The following ZNF839 variants were observed in gnomAD, a reference collection of about 807,000 sequenced individuals.
The protein encoded by ZNF839 is zinc finger protein 839.
ZNF839 carries 38 observed loss-of-function variants against 56.4 expected under a neutral mutation model. That is an observed-to-expected ratio of 0.67 (90% CI 0.52 to 0.88). ZNF839 has a LOEUF of 0.88. Among genes scored for constraint, ZNF839 ranks in the 40% least tolerant of loss-of-function variants. The pLI is 0.00. For synonymous variants in ZNF839, 486 were observed against 493.5 expected, an observed-to-expected ratio of 0.98 and a Z score of 0.20; for missense variants, 1,091 against 1,177.6, an observed-to-expected ratio of 0.93 and a Z score of 1.08.
intron 7 of ZNF839, among the ~76,000 whole-genome samples, chr14:102,340,470 C>T (rs139748421): frequency 1.5e-3 from 227 of 152,090 alleles, no homozygotes; most frequent in Non-Finnish European, 2.8e-3. Context: ...TAGGGTTTCC[C>T]CATGTTGGCC....
At chr14:102,339,378 G>T (rs993347869) in intron 7 of ZNF839, 155 bp downstream of exon 7, 2 of 1,114,334 alleles carry the variant, frequency 1.8e-6, no homozygotes, top group African/African-American at 3.2e-5. Context: ...CAGCCTCCCA[G>T]TGTTCTGTCA....
In ZNF839 at chr14:102,333,303, C is replaced by T. The variant is rs78903380; in HGVS notation, c.1417-1251C>T. Among the ~76,000 whole-genome samples, 538 of 149,298 alleles carry T rather than the reference C, an allele frequency of 3.6e-3. 3 individuals are homozygous for T. Among genetic ancestry groups the T allele is most frequent in the African/African-American group, 0.012 (500 of 40,424 alleles). ...TTTGAGAGAGGGTCTCATTCTGTCA[C>T]CCAGGAGCGTAGTGGCTCAATCATG... On this transcript the variant is annotated intron_variant, in intron 3 of 7. Coordinates refer to ENST00000442396, the MANE Select transcript of ZNF839 (RefSeq NM_018335.6).
At chr14:102,334,037 G>A (rs1443929485) in intron 3 of ZNF839, among the ~76,000 whole-genome samples, 3 of 152,184 alleles carry the variant, frequency 2.0e-5, no homozygotes, top group Non-Finnish European at 4.4e-5. Context: ...ACTGTACTGT[G>A]GGGGTAGTCT....
intron 1 of ZNF839, among the ~76,000 whole-genome samples, chr14:102,323,964 AGAT>A (rs1412226558): frequency 6.6e-6 from 1 of 152,252 alleles, no homozygotes; most frequent in Non-Finnish European, 1.5e-5. Flanking sequence ...AAGTTGCAGG[AGAT>A]GATATCATTT....
At chr14:102,325,797 T>C (rs964631620) in intron 1 of ZNF839, among the ~76,000 whole-genome samples, 188 bp from the exon 2 acceptor site, 1 of 152,210 alleles carries the variant, frequency 6.6e-6, no homozygotes, top group Non-Finnish European at 1.5e-5. Context: ...GCCCAGCTTA[T>C]ATCACTGTGG....
In ZNF839 at chr14:102,326,049, T is replaced by C. The variant is rs7158731; in HGVS notation, c.353T>C (p.Leu118Pro). The C allele has an allele frequency of 0.22, 352,614 of 1,612,896 alleles. 50,103 individuals are homozygous for C. The highest frequency in any genetic ancestry group is 0.67 in the African/African-American group (49,893 of 74,930). Residue 118 changes from leucine (L) to proline (P), a missense_variant, in exon 2 of 8, where the codon CTC becomes CCC. Transcript: ENST00000442396. The surrounding 1 kb of genome is among the most constrained non-coding windows in gnomAD (Gnocchi z 4.3). Reference sequence around the variant, plus strand: ...ACAAAAGGTCAGGAAAGGCCAATGCTCCTACCGACCACAATCCAGCCCCAA... The same window carrying C: ...ACAAAAGGTCAGGAAAGGCCAATGCCCCTACCGACCACAATCCAGCCCCAA... The part of the protein sequence containing the change: ...GETKGQERPM[L>P]LPTTIQPQTA...
upstream of ZNF839, chr14:102,319,345 T>C (rs1417158401): frequency 1.3e-5 from 2 of 154,702 alleles, no homozygotes; most frequent in Admixed American, 1.3e-4. The surrounding 1 kb of genome is among the most constrained non-coding windows in gnomAD (Gnocchi z 4.5). Flanking sequence ...CCCAGATGTA[T>C]AAATCCAAAT....
rs1344983893 is a variant in ZNF839, at chr14:102,328,376, ATAT to A, written c.1191+1490_1191+1492del. Among the ~76,000 whole-genome samples the A allele has an allele frequency of 6.3e-3, 107 of 16,932 alleles. 2 individuals carry two copies. Among genetic ancestry groups the A allele is most frequent in the South Asian group, 0.015 (6 of 408 alleles). The allele number at this position is 16,932 out of a possible 152,430, so 11.1% of individuals were successfully genotyped here. A position where few individuals can be genotyped will look rare whatever the true frequency, so the allele number is the denominator to read the frequency against. On this transcript the variant is annotated intron_variant, in intron 2 of 7. Transcript: ENST00000442396. ...TCTCAAAAAAAAAAAAAAAAAAAAA[ATAT>A]ATATATATATATATATATATATATA...
Position 102,319,932 on chromosome 14 carries a change from C to A in ZNF839, c.167C>A (p.Pro56Gln). The change falls in exon 1 of 8, where the codon CCG (proline) becomes CAG (glutamine). Residue 56 changes from proline to glutamine, a missense_variant. Around this residue, in one of 3 missense-constraint regions of ZNF839, gnomAD observed 614 missense variants for 629.2 expected, o/e 0.98. Coordinates refer to ENST00000442396, the MANE Select transcript of ZNF839 (RefSeq NM_018335.6). The surrounding 1 kb of genome is among the most constrained non-coding windows in gnomAD (Gnocchi z 4.5). ...GTGACGAAGGCGCAGCCGCCGCCGC[C>A]GCCGCCCCCCTTCGTGCTGCGGGAC... ...EQVTKAQPPP[P>Q]PPPFVLRDAA... is the part of the protein sequence containing the mutation. 1 of 1,208,758 alleles carries A rather than the reference C, an allele frequency of 8.3e-7. No homozygotes were observed. The highest frequency in any genetic ancestry group is 3.7e-5 in the Admixed American group (1 of 26,676). The allele number at this position is 1,208,758 out of a possible 1,614,324, so 74.9% of individuals were successfully genotyped here.
At chr14:102,325,559 G>A (rs1049697834) in intron 1 of ZNF839, among the ~76,000 whole-genome samples, 1 of 151,764 alleles carries the variant, frequency 6.6e-6, no homozygotes, top group East Asian at 1.9e-4. Context: ...GTGCAGTGGT[G>A]CGATCTCAGC....
chr14:102,326,873 C>T lies in ZNF839; in HGVS notation c.1177C>T (p.Arg393Cys), dbSNP rs751878037. ...ARSCLVTESA[R>C]GGLQNGQSVD... Reference sequence around the variant, plus strand: ...CTCCTGCTTGGTGACAGAGTCAGCACGCGGTGGCCTGCAGGTAATGTTTCT... The same window carrying T: ...CTCCTGCTTGGTGACAGAGTCAGCATGCGGTGGCCTGCAGGTAATGTTTCT... The change falls in exon 2 of 8, where the codon CGC becomes TGC. Residue 393 changes from arginine (R) to cysteine (C), a missense_variant. This residue lies in a region of ZNF839 where 614 missense variants were observed against 629.2 expected (regional missense o/e 0.98). Transcript: ENST00000442396. This position sits in a 1 kb window ranked among gnomAD's most constrained non-coding sequence, Gnocchi z 4.3. The T allele has an allele frequency of 3.0e-5, 48 of 1,599,178 alleles. No individual in the cohort carries two copies. Among genetic ancestry groups the T allele is most frequent in the Admixed American group, 5.1e-5 (3 of 58,440 alleles).
At chr14:102,327,419 G>A (rs2073476081) in intron 2 of ZNF839, among the ~76,000 whole-genome samples, 2 of 152,108 alleles carry the variant, frequency 1.3e-5, no homozygotes, top group South Asian at 4.1e-4. Context: ...GAGAGTACAG[G>A]TGTGAGCCAC....
At chr14:102,319,562 G>A (rs937511449), upstream of ZNF839, 4 of 556,022 alleles carry the variant, frequency 7.2e-6, no homozygotes, top group Non-Finnish European at 1.1e-5. This position sits in a 1 kb window ranked among gnomAD's most constrained non-coding sequence, Gnocchi z 4.5. Flanking sequence ...GGAAAATAAG[G>A]GGGGTCCGCT....
In ZNF839 at chr14:102,341,776, A is replaced by G; in HGVS notation, c.2381A>G (p.Glu794Gly). ...AGCCCCACCAGCGTCCTGCCTACAG[A>G]GGTGGCAGCCCCTCCGCTTGAGAAA... ...QPSPTSVLPT[E>G]VAAPPLEKIL... is the part of the protein sequence containing the mutation. Residue 794 changes from glutamate to glycine, a missense_variant, in exon 8 of 8, where the codon GAG becomes GGG. Physicochemically the swap from Glu to Gly is moderately conservative, Grantham distance 98. Around this residue, in one of 3 missense-constraint regions of ZNF839, gnomAD observed 431 missense variants for 468.0 expected, o/e 0.92. Coordinates refer to ENST00000442396, the MANE Select transcript of ZNF839 (RefSeq NM_018335.6). 6.2e-7 allele frequency: 1 copy of G among 1,613,968 alleles called. No individual in the cohort carries two copies. The highest frequency in any genetic ancestry group is 1.6e-4 in the Middle Eastern group (1 of 6,062).
At chr14:102,333,261 CTTTTTTT>C (rs58231229) in intron 3 of ZNF839, among the ~76,000 whole-genome samples, 1 of 125,344 alleles carries the variant, frequency 8.0e-6, no homozygotes, top group South Asian at 2.5e-4. Flanking sequence ...AAATGCCAAT[CTTTTTTT>C]TTTTTTTTTT....
intron 7 of ZNF839, chr14:102,341,068 CAAA>C (rs60659700): frequency 4.5e-3 from 377 of 82,890 alleles, no homozygotes; most frequent in Middle Eastern, 0.015. Flanking sequence ...GACTCCATCT[CAAA>C]AAAAAAAAAA....
chr14:102,341,948 G>C lies in ZNF839; in HGVS notation c.2553G>C (p.Met851Ile). ...SGDLNRFPCG[M>I]EVHSGQRELE... ...ACTTGAACCGGTTCCCCTGTGGGAT[G>C]GAGGTGCACTCTGGCCAGAGAGAAC... Residue 851 changes from methionine (M) to isoleucine (I), a missense_variant, in exon 8 of 8, where the codon ATG (methionine) becomes ATC (isoleucine). Coordinates refer to ENST00000442396, the MANE Select transcript of ZNF839 (RefSeq NM_018335.6). 2.5e-6 allele frequency: 4 copies of C among 1,614,060 alleles called. No individual in the cohort carries two copies. The highest frequency in any genetic ancestry group is 3.4e-6 in the Non-Finnish European group (4 of 1,179,900).
At chr14:102,335,896 G>C in intron 5 of ZNF839, 58 bp downstream of exon 5, 1 of 1,587,078 alleles carries the variant, frequency 6.3e-7, no homozygotes, top group Non-Finnish European at 8.5e-7. Context: ...GAAGAAAGAA[G>C]GGCCACGTGC....
chr14:102,329,705 T>TTG (rs58999642), intron 2 of ZNF839, among the ~76,000 whole-genome samples: 7,971 of 146,854 alleles, frequency 0.054, 352 homozygotes, highest in South Asian at 0.13. Context: ...ATTCTAATAT[T>TTG]TGTGTGTGTG....
Sources: allele counts gnomAD v4.1 joint callset (sites outside exome capture counted in the v4.1 genomes callset), GRCh38; gene constraint gnomAD v4.1.1; regional missense constraint gnomAD v4.1.1; non-coding constraint Gnocchi (gnomAD v3.1); transcripts MANE v1.5; gene names NCBI Gene and HGNC (gene_info 2026-07-23, HGNC 2026-07-21).